The following COL22A1 variants were observed in gnomAD, a reference collection of about 807,000 sequenced individuals.
COL22A1 encodes the protein collagen type XXII alpha 1 chain.
Under a neutral mutation model 248.9 loss-of-function variants are expected in COL22A1, and 221 were observed. That is an observed-to-expected ratio of 0.89 (90% CI 0.80 to 0.99). The LOEUF (loss-of-function observed/expected upper bound fraction) is 0.99. Among genes scored for constraint, COL22A1 ranks in the 50% least tolerant of loss-of-function variants. The pLI, the probability that COL22A1 is intolerant of heterozygous loss-of-function variation, is 0.00. For missense variants in COL22A1, 2,240 were observed against 2,179.0 expected, an observed-to-expected ratio of 1.03 and a Z score of -0.56; for synonymous variants, 891 against 793.4, an observed-to-expected ratio of 1.12 and a Z score of -2.07.
chr8:138,848,961 T>C (rs1313849461), intron 3 of COL22A1, among the ~76,000 whole-genome samples: 1 of 152,112 alleles, frequency 6.6e-6, no homozygotes, highest in Non-Finnish European at 1.5e-5. Flanking sequence ...CGGCCGCTGC[T>C]GAGTGCAGCT....
chr8:138,692,389 A>G (rs1157708176), intron 35 of COL22A1, among the ~76,000 whole-genome samples: 1 of 129,202 alleles, frequency 7.7e-6, no homozygotes, highest in African/African-American at 3.0e-5. Flanking sequence ...TGTATTGTGC[A>G]CGTATGTACA....
chr8:138,858,982 G>C (rs115704187), intron 3 of COL22A1, among the ~76,000 whole-genome samples: 7 of 152,096 alleles, frequency 4.6e-5, no homozygotes, highest in Admixed American at 4.6e-4. Context: ...TCGTCCCAGC[G>C]TTGACCCTAA....
At position 138,701,786 on chromosome 8, in the gene COL22A1, A is replaced by C. The variant is rs550706787; in HGVS notation, c.2559+1520T>G. Among the ~76,000 whole-genome samples, 8 of 152,360 alleles carry C rather than the reference A, an allele frequency of 5.3e-5. No individual in the cohort carries two copies. The South Asian group carries it at 1.4e-3, about 28-fold the overall frequency. The stretch of plus-strand genomic sequence containing the variant: ...AATGTCAGGACAGAAACTGGCGTCC[A>C]CATAGGTGGCCTGGGGAGCCTGTGT... On this transcript the variant is annotated intron_variant, in intron 31 of 64. Transcript: ENST00000303045.
intron 64 of COL22A1, among the ~76,000 whole-genome samples, chr8:138,590,572 A>G (rs4131620): frequency 0.08 from 12,147 of 152,022 alleles, 592 homozygotes; most frequent in African/African-American, 0.13. Flanking sequence ...CTTATCTAAC[A>G]AAAATAATAA....
chr8:138,654,966 C>A (rs1311120767), intron 45 of COL22A1, among the ~76,000 whole-genome samples: 1 of 152,208 alleles, frequency 6.6e-6, no homozygotes, highest in Non-Finnish European at 1.5e-5. Flanking sequence ...CTGGTCCTGG[C>A]CCAGCAGGAC....
At chr8:138,889,131 T>G (rs1824871677) in intron 1 of COL22A1, among the ~76,000 whole-genome samples, 1 of 152,124 alleles carries the variant, frequency 6.6e-6, no homozygotes, top group African/African-American at 2.4e-5. Context: ...GACACTGAGG[T>G]GGAGAGAAGG....
intron 55 of COL22A1, among the ~76,000 whole-genome samples, chr8:138,615,113 T>A (rs1819203553): frequency 2.6e-5 from 4 of 152,206 alleles, no homozygotes; most frequent in Admixed American, 2.0e-4. Context: ...CTGGGGGATG[T>A]GGAGCTGGTG....
At chr8:138,803,015 C>T in intron 10 of COL22A1, 81 bp from the exon 11 acceptor site, 2 of 1,107,620 alleles carry the variant, frequency 1.8e-6, no homozygotes, top group Non-Finnish European at 2.8e-6. Flanking sequence ...TCACGGCCAA[C>T]CTTGCTCCAA....
chr8:138,676,446 AAAGAAAGAAAGG>A (rs1308407009), intron 41 of COL22A1, 100 bp downstream of exon 41: 13 of 511,276 alleles, frequency 2.5e-5, no homozygotes, highest in African/African-American at 1.2e-4. Flanking sequence ...AGAAAGAAAG[AAAGAAAGAAAGG>A]AAGAAAGAAA....
intron 30 of COL22A1, among the ~76,000 whole-genome samples, chr8:138,706,967 C>T (rs999281966): frequency 2.0e-5 from 3 of 152,266 alleles, no homozygotes; most frequent in Non-Finnish European, 2.9e-5. Context: ...CACCACCGAT[C>T]GCACAGAAAT....
intron 23 of COL22A1, among the ~76,000 whole-genome samples, chr8:138,734,265 C>A (rs1041147120): frequency 6.6e-6 from 1 of 152,316 alleles, no homozygotes; most frequent in Admixed American, 6.5e-5. Flanking sequence ...GATGAAAACA[C>A]CTCCTCTATC....
intron 55 of COL22A1, among the ~76,000 whole-genome samples, chr8:138,614,619 G>A (rs890956351): frequency 6.6e-6 from 1 of 152,152 alleles, no homozygotes; most frequent in African/African-American, 2.4e-5. Context: ...TTCCTGCCTG[G>A]GTAGCACCCT....
chr8:138,676,578 T>C lies in COL22A1; in HGVS notation c.3130A>G (p.Ile1044Val), dbSNP rs1172197961. Reference protein sequence around the residue: ...GSPGSRGDPGIGVAGPPGPSG... With the variant: ...GSPGSRGDPGVGVAGPPGPSG... ...CTTACAGGAGGGCCAGCAACCCCAA[T>C]GCCTGGGTCACCACGGCTGCCAGGA... is the stretch of plus-strand genomic sequence containing the variant. The change falls in exon 41 of 65, where the codon ATT (isoleucine) becomes GTT (valine). Residue 1044 changes from isoleucine (I) to valine (V), a missense_variant. Physicochemically the swap from Ile to Val is conservative, Grantham distance 29. Transcript: ENST00000303045. 7 of 1,566,296 alleles carry C rather than the reference T, an allele frequency of 4.5e-6. No homozygotes were observed. The highest frequency in any genetic ancestry group is 1.2e-5 in the South Asian group (1 of 85,056).
intron 49 of COL22A1, 37 bp downstream of exon 49, chr8:138,634,973 A>G (rs754916706): frequency 4.3e-6 from 6 of 1,403,774 alleles, no homozygotes; most frequent in Non-Finnish European, 6.1e-6. Context: ...TCAAATGTCA[A>G]GGCCGAAAGA....
intron 9 of COL22A1, among the ~76,000 whole-genome samples, chr8:138,808,564 G>T (rs1817917896): frequency 6.6e-6 from 1 of 152,174 alleles, no homozygotes; most frequent in African/African-American, 2.4e-5. Flanking sequence ...TAAAGATCAG[G>T]TTACTGGATT....
At chr8:138,629,311 C>T (rs923009923) in intron 50 of COL22A1, among the ~76,000 whole-genome samples, 16 of 152,000 alleles carry the variant, frequency 1.1e-4, no homozygotes, top group Admixed American at 2.0e-4. Flanking sequence ...CATGTGCCAC[C>T]GTGCGAGACT....
intron 5 of COL22A1, among the ~76,000 whole-genome samples, chr8:138,830,244 T>A (rs1446849742): frequency 1.3e-5 from 2 of 152,234 alleles, no homozygotes; most frequent in East Asian, 3.9e-4. Context: ...GTCTCAAATG[T>A]TGTACCAGCT....
intron 5 of COL22A1, among the ~76,000 whole-genome samples, chr8:138,828,800 G>A (rs895965028): frequency 6.6e-6 from 1 of 152,032 alleles, no homozygotes; most frequent in Non-Finnish European, 1.5e-5. Flanking sequence ...CAGGCTCTGA[G>A]GGGTTAACTC....
intron 3 of COL22A1, among the ~76,000 whole-genome samples, chr8:138,868,584 C>T (rs547301482): frequency 1.3e-5 from 2 of 152,226 alleles, no homozygotes; most frequent in South Asian, 4.1e-4. Context: ...ATAATAAATA[C>T]ACACTCACAC....
Sources: allele counts gnomAD v4.1 joint callset (sites outside exome capture counted in the v4.1 genomes callset), GRCh38; gene constraint gnomAD v4.1.1; transcripts MANE v1.5; gene names NCBI Gene and HGNC (gene_info 2026-07-23, HGNC 2026-07-21).